Variants in SAMMSON observed in about 807,000 individuals in gnomAD.
The protein encoded by SAMMSON is survival associated mitochondrial melanoma specific oncogenic non-coding RNA.
chr3:70,355,594 A>G (rs1414521640), intron 8 of SAMMSON, among the ~76,000 whole-genome samples: 4 of 152,174 alleles, frequency 2.6e-5, no homozygotes, highest in African/African-American at 9.6e-5. Context: ...CAAAAATGGA[A>G]AGAAAGTGAA....
chr3:70,029,365 T>G (rs2067055666), intron 3 of SAMMSON, among the ~76,000 whole-genome samples: 1 of 152,212 alleles, frequency 6.6e-6, no homozygotes, highest in South Asian at 2.1e-4. Flanking sequence ...CTTAGTTTAA[T>G]GTCCCTTCAA....
At chr3:70,276,122 G>A (rs1702023307) in intron 6 of SAMMSON, among the ~76,000 whole-genome samples, 3 of 152,072 alleles carry the variant, frequency 2.0e-5, no homozygotes, top group Admixed American at 2.0e-4. Flanking sequence ...GTGGACAGGA[G>A]TTTTGCCAGT....
chr3:70,355,856 C>T (rs1257087264), intron 8 of SAMMSON, among the ~76,000 whole-genome samples: 3 of 152,058 alleles, frequency 2.0e-5, no homozygotes, highest in African/African-American at 4.8e-5. Context: ...TCACTTGTTC[C>T]TTCAACAATC....
chr3:70,219,654 A>AATTGAAAATTGATAC lies in SAMMSON; in HGVS notation n.508-29450_508-29449insGAAAATTGATACATT, dbSNP rs1244781116. Among the ~76,000 whole-genome samples, 3 of 152,322 alleles carry AATTGAAAATTGATAC rather than the reference A, an allele frequency of 2.0e-5. No homozygotes were observed. The East Asian group carries it at 5.8e-4, about 29-fold the overall frequency. The stretch of plus-strand genomic sequence containing the variant: ...GTGTGAACCAAGAGAGATACTGAAG[A>AATTGAAAATTGATAC]ATTCAAAATTGAAATGACAGAATTA... On this transcript the variant is annotated intron_variant and non_coding_transcript_variant, in intron 4 of 9. Transcript: ENST00000642114.
chr3:70,123,263 T>C (rs1487305455), intron 4 of SAMMSON, among the ~76,000 whole-genome samples: 1 of 152,058 alleles, frequency 6.6e-6, no homozygotes, highest in African/African-American at 2.4e-5. Flanking sequence ...GGTAAGCTAG[T>C]TTGTTTTGTT....
rs1374206707 is a variant in SAMMSON at position 70,285,658 on chromosome 3, G to C, written n.675-5521G>C. ...ACTGACTTCCACAATGGTTGAACTA[G>C]TTTACAGTCCCACCAACAGTGTAAA... On this transcript the variant is annotated intron_variant and non_coding_transcript_variant, in intron 6 of 9. Transcript: ENST00000642114. Among the ~76,000 whole-genome samples, 4 of 150,236 alleles carry C rather than the reference G, an allele frequency of 2.7e-5. No homozygotes were observed. In the East Asian group the frequency reaches 7.9e-4, roughly 30 times the overall value.
At chr3:70,351,392 T>C (rs1172701607) in intron 7 of SAMMSON, among the ~76,000 whole-genome samples, 1 of 152,072 alleles carries the variant, frequency 6.6e-6, no homozygotes, top group Non-Finnish European at 1.5e-5. Flanking sequence ...AACCTGGTAT[T>C]TGGGGCAGAG....
intron 2 of SAMMSON, among the ~76,000 whole-genome samples, chr3:70,400,741 G>A (rs1045065094): frequency 6.6e-6 from 1 of 152,038 alleles, no homozygotes; most frequent in Non-Finnish European, 1.5e-5. Context: ...GACCAGCCTG[G>A]CCAACATGGT....
intron 4 of SAMMSON, among the ~76,000 whole-genome samples, chr3:70,159,806 C>T (rs887945760): frequency 6.6e-6 from 1 of 152,000 alleles, no homozygotes; most frequent in African/African-American, 2.4e-5. Flanking sequence ...ATCTTCCTGC[C>T]TCGGCCTCCC....
At chr3:70,013,901 C>G (rs2107578027) in intron 3 of SAMMSON, 1 of 152,228 alleles carries the variant, frequency 6.6e-6, no homozygotes, top group Non-Finnish European at 1.5e-5. Flanking sequence ...TCCAACGGCT[C>G]TCTGGAAAAC....
chr3:70,347,977 A>G (rs917753679), intron 7 of SAMMSON, among the ~76,000 whole-genome samples: 1 of 152,270 alleles, frequency 6.6e-6, no homozygotes, highest in African/African-American at 2.4e-5. Context: ...CAGGAGGCGG[A>G]GGTTACAGTG....
chr3:70,054,967 A>C (rs547393302), intron 3 of SAMMSON, among the ~76,000 whole-genome samples: 32 of 152,294 alleles, frequency 2.1e-4, no homozygotes, highest in African/African-American at 7.2e-4. Flanking sequence ...AACACCATGC[A>C]TATCAATTAC....
intron 3 of SAMMSON, among the ~76,000 whole-genome samples, chr3:70,053,473 A>G (rs753518367): frequency 6.6e-6 from 1 of 152,146 alleles, no homozygotes; most frequent in African/African-American, 2.4e-5. Context: ...GATGAGAGCC[A>G]CTAGTGGTGA....
rs1702910866 is a variant in SAMMSON, at chr3:70,365,098, A to G, written n.913+6774A>G. Reference sequence around the variant, plus strand: ...TGGGTTTTCAAAAATACAATGTGTCATATATCCACCACTGCAATATCATAC... The same window carrying G: ...TGGGTTTTCAAAAATACAATGTGTCGTATATCCACCACTGCAATATCATAC... On this transcript the variant is annotated intron_variant and non_coding_transcript_variant, in intron 9 of 9. Transcript: ENST00000642114. 2.0e-5 allele frequency among the ~76,000 whole-genome samples: 3 copies of G among 151,750 alleles called. No homozygotes were observed. The South Asian group carries it at 6.2e-4, about 31-fold the overall frequency.
At chr3:70,026,869 A>G (rs751114235) in intron 3 of SAMMSON, among the ~76,000 whole-genome samples, 7 of 152,138 alleles carry the variant, frequency 4.6e-5, no homozygotes, top group Non-Finnish European at 1.0e-4. Flanking sequence ...TAGCATAATG[A>G]ATATTGATTA....
intron 4 of SAMMSON, among the ~76,000 whole-genome samples, chr3:70,237,979 C>CTATTTTTTTTTTT (rs1701627865): frequency 2.0e-5 from 1 of 48,932 alleles, no homozygotes; most frequent in African/African-American, 1.1e-4. Context: ...TGAGTGGTAT[C>CTATTTTTTTTTTT]TTTTTTTTTT....
At chr3:70,428,892 A>G (rs1359310287) in intron 2 of SAMMSON, among the ~76,000 whole-genome samples, 1 of 152,232 alleles carries the variant, frequency 6.6e-6, no homozygotes, top group East Asian at 1.9e-4. Flanking sequence ...AATGTCAAAG[A>G]CTGGAGCTAC....
At chr3:70,246,541 A>C (rs1208368245) in intron 4 of SAMMSON, among the ~76,000 whole-genome samples, 1 of 152,098 alleles carries the variant, frequency 6.6e-6, no homozygotes, top group Non-Finnish European at 1.5e-5. Context: ...GCACAATTTA[A>C]TTTGAATTTC....
chr3:70,138,917 T>A (rs371509077), intron 4 of SAMMSON, among the ~76,000 whole-genome samples: 5 of 152,316 alleles, frequency 3.3e-5, no homozygotes, highest in Admixed American at 2.0e-4. Context: ...AGTCTCACAC[T>A]GTCACCCAGG....
Sources: gnomAD v4.1 joint callset for allele counts (sites outside exome capture counted in the v4.1 genomes callset) on GRCh38, gnomAD v4.1.1 for gene constraint, MANE v1.5 for transcripts, NCBI Gene and HGNC (gene_info 2026-07-23, HGNC 2026-07-21) for gene names.